The following COL5A2 variants were observed in gnomAD, a reference collection of about 807,000 sequenced individuals.
COL5A2 encodes the protein collagen type V alpha 2 chain.
COL5A2 carries 23 observed loss-of-function variants against 208.2 expected under a neutral mutation model. The observed-to-expected ratio is 0.11, with a 90% CI of 0.08 to 0.16. COL5A2 has a LOEUF of 0.16. Among genes scored for constraint, COL5A2 ranks in the 10% least tolerant of loss-of-function variants. The pLI, the probability that COL5A2 is intolerant of heterozygous loss-of-function variation, is 1.00. For synonymous variants in COL5A2, 625 were observed against 628.5 expected, an observed-to-expected ratio of 0.99 and a Z score of 0.08; for missense variants, 1,590 against 1,956.4, an observed-to-expected ratio of 0.81 and a Z score of 3.53.
the COL5A2 span, among the ~76,000 whole-genome samples, chr2:189,247,885 T>C: frequency 4.5e-4 from 69 of 152,236 alleles, no homozygotes; most frequent in Non-Finnish European, 9.7e-4. Flanking sequence ...CAGCCTAAAG[T>C]TTTTCAAGTT....
At chr2:189,439,384 T>G in the COL5A2 span, among the ~76,000 whole-genome samples, 2 of 152,230 alleles carry the variant, frequency 1.3e-5, no homozygotes, top group Non-Finnish European at 2.9e-5. Flanking sequence ...AAAATCCTTT[T>G]CCTTCTGTAT....
the COL5A2 span, among the ~76,000 whole-genome samples, chr2:189,318,436 T>C: frequency 6.6e-6 from 1 of 152,178 alleles, no homozygotes; most frequent in Non-Finnish European, 1.5e-5. Context: ...TCCCTCTACA[T>C]GCCTTATTCT....
At chr2:189,159,968 C>T (rs1173916087) in intron 1 of COL5A2, among the ~76,000 whole-genome samples, 2 of 151,988 alleles carry the variant, frequency 1.3e-5, no homozygotes, top group East Asian at 3.9e-4. Context: ...CTCATTATTG[C>T]CTGCCACAGG....
the COL5A2 span, among the ~76,000 whole-genome samples, chr2:189,255,488 AC>A: frequency 1.1e-4 from 16 of 152,302 alleles, no homozygotes; most frequent in African/African-American, 3.8e-4. Flanking sequence ...TAAAATTTGG[AC>A]AACTGTTTGA....
In COL5A2 at chr2:189,039,474, A is replaced by G. The variant is rs1236749309; in HGVS notation, c.3723T>C (p.Asp1241=). Residue 1241 remains aspartate, a synonymous_variant, in exon 51 of 54, where the codon GAT becomes GAC. Coordinates refer to ENST00000374866, the MANE Select transcript of COL5A2 (RefSeq NM_000393.5). ...CAGGAAGTGGATCTGGCATGCTTTC[A>G]TCATAGTGCCCCATGATATCCCCAA... ...AALGDIMGHY[D]ESMPDPLPEF... 4 of 1,613,962 alleles carry G rather than the reference A, an allele frequency of 2.5e-6. No homozygotes were observed. Among genetic ancestry groups the G allele is most frequent in the Non-Finnish European group, 2.5e-6 (3 of 1,180,034 alleles).
At chr2:189,096,621 C>CAAAAA (rs777945216) in intron 6 of COL5A2, among the ~76,000 whole-genome samples, 7 of 71,110 alleles carry the variant, frequency 9.8e-5, no homozygotes, top group African/African-American at 1.6e-4. Flanking sequence ...GACTCCGTCT[C>CAAAAA]AAAAAAAAAA....
At chr2:189,311,505 C>A in the COL5A2 span, 1 of 1,100,664 alleles carries the variant, frequency 9.1e-7, no homozygotes, top group Non-Finnish European at 1.3e-6. Flanking sequence ...CGAGTCTGTG[C>A]CAGCTCTGAC....
At chr2:189,236,886 A>G in the COL5A2 span, among the ~76,000 whole-genome samples, 4 of 151,842 alleles carry the variant, frequency 2.6e-5, no homozygotes, top group South Asian at 2.1e-4. Flanking sequence ...TAATTTATCA[A>G]TGTTTTTCTT....
the COL5A2 span, among the ~76,000 whole-genome samples, chr2:189,246,136 A>G: frequency 6.6e-6 from 1 of 152,360 alleles, no homozygotes; most frequent in South Asian, 2.1e-4. Context: ...TCCTAGAAAA[A>G]AGTATGTAAT....
At chr2:189,439,448 TG>T in the COL5A2 span, among the ~76,000 whole-genome samples, 1 of 152,130 alleles carries the variant, frequency 6.6e-6, no homozygotes, top group African/African-American at 2.4e-5. Flanking sequence ...GAAAGGAACA[TG>T]AACTGTGAGC....
At position 189,117,593 on chromosome 2, in the gene COL5A2, T is replaced by A. The variant is rs541177685; in HGVS notation, c.98-7144A>T. Among the ~76,000 whole-genome samples the A allele has an allele frequency of 9.1e-4, 139 of 152,212 alleles. 1 individual carries two copies. Among genetic ancestry groups the A allele is most frequent in the African/African-American group, 3.2e-3 (135 of 41,554 alleles). Reference sequence around the variant, plus strand: ...GGAGAAGTAAATATTCAGTAATATATAGTATCCACATTCCAGATTTCCTTC... The same window carrying A: ...GGAGAAGTAAATATTCAGTAATATAAAGTATCCACATTCCAGATTTCCTTC... On this transcript the variant is annotated intron_variant, in intron 1 of 53. Transcript: ENST00000374866.
intron 1 of COL5A2, among the ~76,000 whole-genome samples, chr2:189,133,862 A>G (rs1444873507): frequency 1.3e-5 from 2 of 152,090 alleles, no homozygotes; most frequent in Non-Finnish European, 2.9e-5. Context: ...CTGAATGACT[A>G]TTTTAGTTTT....
the COL5A2 span, among the ~76,000 whole-genome samples, chr2:189,262,510 G>C: frequency 1.1e-4 from 16 of 152,064 alleles, no homozygotes; most frequent in African/African-American, 3.6e-4. Flanking sequence ...ATCACGAAGA[G>C]AAACAGCATT....
At chr2:189,319,710 G>C in the COL5A2 span, among the ~76,000 whole-genome samples, 5 of 152,230 alleles carry the variant, frequency 3.3e-5, no homozygotes, top group Admixed American at 2.6e-4. Flanking sequence ...AAGGAGGCTG[G>C]CCTGCTCTGT....
the COL5A2 span, among the ~76,000 whole-genome samples, chr2:189,295,705 T>C: frequency 1.3e-5 from 2 of 152,224 alleles, no homozygotes; most frequent in East Asian, 1.9e-4. Context: ...ATACAGCACA[T>C]AGACAACATG....
the COL5A2 span, among the ~76,000 whole-genome samples, chr2:189,256,145 A>G: frequency 6.6e-6 from 1 of 152,158 alleles, no homozygotes; most frequent in Non-Finnish European, 1.5e-5. Flanking sequence ...GCCTTCCTAT[A>G]TAGAGAGGAT....
the COL5A2 span, among the ~76,000 whole-genome samples, chr2:189,263,273 C>A: frequency 1.3e-5 from 2 of 152,104 alleles, no homozygotes; most frequent in African/African-American, 4.8e-5. Flanking sequence ...AAGGAGATAG[C>A]TGGGCAACTT....
chr2:189,217,669 C>G (rs566277515), intron 1 of COL5A2, among the ~76,000 whole-genome samples: 1 of 152,102 alleles, frequency 6.6e-6, no homozygotes, highest in African/African-American at 2.4e-5. Flanking sequence ...CTAGCAGAGG[C>G]GCAGCTTCCA....
intron 31 of COL5A2, among the ~76,000 whole-genome samples, chr2:189,059,165 A>G (rs1481668624): frequency 1.3e-5 from 2 of 152,218 alleles, no homozygotes; most frequent in African/African-American, 2.4e-5. Flanking sequence ...TCACAAAGAT[A>G]GAGCATTAGT....
Sources: gnomAD v4.1 joint callset for allele counts (sites outside exome capture counted in the v4.1 genomes callset) on GRCh38, gnomAD v4.1.1 for gene constraint, MANE v1.5 for transcripts, NCBI Gene and HGNC (gene_info 2026-07-23, HGNC 2026-07-21) for gene names.